The following RASAL2 variants were observed in gnomAD, a reference collection of about 807,000 sequenced individuals.
The protein encoded by RASAL2 is RAS protein activator like 2, also known as ras GTPase-activating protein nGAP.
RASAL2 carries 58 observed loss-of-function variants against 128.9 expected under a neutral mutation model. The ratio of observed to expected loss-of-function variants is 0.45; its 90% CI spans 0.36 to 0.56. RASAL2 has a LOEUF of 0.56. RASAL2 is among the 20% of genes least tolerant of loss of function. RASAL2 has a pLI of 0.00. For synonymous variants in RASAL2, 561 were observed against 580.8 expected (o/e 0.97, Z 0.49); for missense variants, 1,360 against 1,601.6 (o/e 0.85, Z 2.57).
intron 1 of RASAL2, among the ~76,000 whole-genome samples, chr1:178,097,633 T>C (rs1050730039): frequency 1.3e-5 from 2 of 152,202 alleles, no homozygotes; most frequent in African/African-American, 4.8e-5. Flanking sequence ...GGTAGGATAA[T>C]AATAAGGAAC....
intron 3 of RASAL2, among the ~76,000 whole-genome samples, chr1:178,306,195 A>G (rs1003214912): frequency 2.6e-5 from 4 of 152,036 alleles, no homozygotes; most frequent in East Asian, 1.9e-4. Flanking sequence ...ATGATTTCCA[A>G]TTTCATCCAT....
At chr1:178,118,897 C>T (rs899506969) in intron 1 of RASAL2, among the ~76,000 whole-genome samples, 12 of 151,240 alleles carry the variant, frequency 7.9e-5, no homozygotes, top group African/African-American at 2.9e-4. Context: ...GATGGAGTTT[C>T]GCTCTTGTTG....
intron 1 of RASAL2, 60 bp downstream of exon 1, chr1:178,094,754 C>G: frequency 6.3e-7 from 1 of 1,589,662 alleles, no homozygotes; most frequent in Admixed American, 1.7e-5. Flanking sequence ...GGCTGAAATT[C>G]ATTCCCTAAG....
chr1:178,221,197 A>G (rs189940727), intron 1 of RASAL2, among the ~76,000 whole-genome samples: 2 of 152,144 alleles, frequency 1.3e-5, no homozygotes, highest in South Asian at 2.1e-4. Context: ...ATCTTTTCAT[A>G]TGCTTATTTA....
At chr1:178,267,776 G>C (rs146583155) in intron 1 of RASAL2, among the ~76,000 whole-genome samples, 363 of 151,704 alleles carry the variant, frequency 2.4e-3, no homozygotes, top group Non-Finnish European at 3.4e-3. Context: ...ACCCACCTCA[G>C]ATCTAGTGTT....
chr1:178,231,820 T>C lies in RASAL2; in HGVS notation c.203-51744T>C, dbSNP rs77423966. 5.1e-3 allele frequency among the ~76,000 whole-genome samples: 779 copies of C among 152,312 alleles called. 8 individuals are homozygous for C. The highest frequency in any genetic ancestry group is 0.018 in the African/African-American group (747 of 41,562). On this transcript the variant is annotated intron_variant, in intron 1 of 17. Coordinates refer to ENST00000367649, the MANE Select transcript of RASAL2 (RefSeq NM_170692.4). ...TTTTAAATAAGGGGAAAATGTACAATTGTAAGATTCTCTAATTTGATATGT... is the reference window on the plus strand; with the variant it reads ...TTTTAAATAAGGGGAAAATGTACAACTGTAAGATTCTCTAATTTGATATGT...
chr1:178,149,056 T>G (rs1344562772), intron 1 of RASAL2, among the ~76,000 whole-genome samples: 1 of 152,116 alleles, frequency 6.6e-6, no homozygotes, highest in Admixed American at 6.6e-5. Context: ...AGTATTTTAT[T>G]AAGGAGGATT....
chr1:178,464,144 A>G lies in RASAL2; in HGVS notation c.3253-134A>G, dbSNP rs957227557. The G allele has an allele frequency of 1.1e-5, 12 of 1,093,634 alleles. 1 individual carries two copies. In the South Asian group the frequency reaches 3.1e-4, roughly 28 times the overall value. 67.7% of individuals were successfully genotyped at this position (1,093,634 alleles called of 1,614,324 possible). On this transcript the variant is annotated intron_variant, in intron 14 of 17. Transcript: ENST00000367649. ...CACCCCTAGCCTTGGCATTAGTAAA[A>G]TAATACTTAAAGCTAAGAGCATTTA...
At chr1:178,314,249 ACT>A (rs767334749) in intron 3 of RASAL2, among the ~76,000 whole-genome samples, 2 of 152,214 alleles carry the variant, frequency 1.3e-5, no homozygotes, top group Non-Finnish European at 2.9e-5. Flanking sequence ...GAATATTTTT[ACT>A]GTGTCTCTTG....
At chr1:178,160,549 C>T (rs763037196) in intron 1 of RASAL2, among the ~76,000 whole-genome samples, 2 of 152,036 alleles carry the variant, frequency 1.3e-5, no homozygotes, top group African/African-American at 2.4e-5. Context: ...GCAGGAGAAT[C>T]GCTTGAACCT....
chr1:178,116,400 C>G (rs539294435), intron 1 of RASAL2, among the ~76,000 whole-genome samples: 1 of 152,082 alleles, frequency 6.6e-6, no homozygotes, highest in Non-Finnish European at 1.5e-5. Flanking sequence ...AAAGAGTATA[C>G]CTAGTTCAGT....
intron 5 of RASAL2, among the ~76,000 whole-genome samples, chr1:178,434,762 T>C (rs1427750673): frequency 6.6e-6 from 1 of 151,892 alleles, no homozygotes; most frequent in Non-Finnish European, 1.5e-5. Context: ...TTTTTTTTTT[T>C]AATCCAGGGA....
chr1:178,419,530 C>T (rs1253604741), intron 4 of RASAL2, among the ~76,000 whole-genome samples: 1 of 152,106 alleles, frequency 6.6e-6, no homozygotes, highest in Non-Finnish European at 1.5e-5. Flanking sequence ...TCAAGCTATC[C>T]TGTCACCTCA....
intron 16 of RASAL2, 85 bp from the exon 17 acceptor site, chr1:178,467,249 G>T (rs1262722588): frequency 1.9e-6 from 2 of 1,031,914 alleles, no homozygotes; most frequent in African/African-American, 3.2e-5. Flanking sequence ...ATTAAAAAGG[G>T]CAGAGGATAT....
At chr1:178,426,501 C>A (rs886243641) in intron 5 of RASAL2, among the ~76,000 whole-genome samples, 29 of 152,020 alleles carry the variant, frequency 1.9e-4, no homozygotes, top group African/African-American at 6.0e-4. Flanking sequence ...ATAAGCCAGT[C>A]AGTCACAAAG....
chr1:178,101,278 A>G (rs896418662), intron 1 of RASAL2, among the ~76,000 whole-genome samples: 11 of 152,320 alleles, frequency 7.2e-5, no homozygotes, highest in East Asian at 3.9e-4. Flanking sequence ...TCACTTTCCT[A>G]ATCTCTACAG....
chr1:178,458,613 A>G, intron 14 of RASAL2, 69 bp downstream of exon 14: 1 of 1,484,616 alleles, frequency 6.7e-7, no homozygotes, highest in South Asian at 1.4e-5. Context: ...TTTATACATA[A>G]ATCATTGGGA....
At position 178,395,793 on chromosome 1, in the gene RASAL2, T is replaced by TATATATATATATATATATATATA. The variant is rs879578177; in HGVS notation, c.564+5587_564+5588insATATATATATATATATATATATA. ...ACAGTATATATATATATATATATATTTATTTATTCATATGTGTATGAATGT... is the reference window on the plus strand; with the variant it reads ...ACAGTATATATATATATATATATATTATATATATATATATATATATATATATTTATTCATATGTGTATGAATGT... On this transcript the variant is annotated intron_variant, in intron 4 of 17. Coordinates refer to ENST00000367649, the MANE Select transcript of RASAL2 (RefSeq NM_170692.4). Among the ~76,000 whole-genome samples, 150 of 124,444 alleles carry TATATATATATATATATATATATA rather than the reference T, an allele frequency of 1.2e-3. 1 individual carries two copies. The highest frequency in any genetic ancestry group is 5.1e-3 in the African/African-American group (143 of 28,130). The allele number at this position is 124,444 out of a possible 152,430, so 81.6% of individuals were successfully genotyped here. A position where few individuals can be genotyped will look rare whatever the true frequency, so the allele number is the denominator to read the frequency against.
chr1:178,229,029 C>A (rs1461576307), intron 1 of RASAL2, among the ~76,000 whole-genome samples: 1 of 152,136 alleles, frequency 6.6e-6, no homozygotes, highest in Non-Finnish European at 1.5e-5. Context: ...GTACAATAAA[C>A]TCCCATAAAT....
Sources: allele counts gnomAD v4.1 joint callset (sites outside exome capture counted in the v4.1 genomes callset), GRCh38; gene constraint gnomAD v4.1.1; transcripts MANE v1.5; gene names NCBI Gene and HGNC (gene_info 2026-07-23, HGNC 2026-07-21).